The following MYO5B variants were observed in gnomAD, a reference collection of about 807,000 sequenced individuals.
The protein encoded by MYO5B is unconventional myosin-Vb.
Under a neutral mutation model 229.3 loss-of-function variants are expected in MYO5B, and 143 were observed. The observed-to-expected ratio is 0.62, with a 90% confidence interval of 0.54 to 0.72. The LOEUF (loss-of-function observed/expected upper bound fraction) is 0.72, where lower values mean the gene tolerates loss of function less well. MYO5B is among the 30% of genes least tolerant of loss of function. The pLI is 0.00. For missense variants in MYO5B, 2,321 were observed against 2,331.0 expected (o/e 1.00, Z 0.09); for synonymous variants, 918 against 885.2 (o/e 1.04, Z -0.66).
At chr18:50,144,987 C>T (rs1382339088) in intron 1 of MYO5B, among the ~76,000 whole-genome samples, 1 of 152,122 alleles carries the variant, frequency 6.6e-6, no homozygotes, top group Non-Finnish European at 1.5e-5. Flanking sequence ...TCAATACAGG[C>T]CTTGAATCAA....
At chr18:50,068,488 G>A (rs545963516) in intron 1 of MYO5B, among the ~76,000 whole-genome samples, 8 of 152,274 alleles carry the variant, frequency 5.3e-5, no homozygotes, top group African/African-American at 1.2e-4. Context: ...CATCACAAAG[G>A]ACTGACCAAA....
chr18:49,978,450 C>G (rs1343709438), intron 9 of MYO5B, among the ~76,000 whole-genome samples: 6 of 151,990 alleles, frequency 3.9e-5, no homozygotes, highest in Non-Finnish European at 8.8e-5. Context: ...CACGGACTCC[C>G]CAGCCCTGGT....
chr18:50,048,771 C>G (rs565585210), intron 2 of MYO5B, among the ~76,000 whole-genome samples: 1 of 152,128 alleles, frequency 6.6e-6, no homozygotes, highest in South Asian at 2.1e-4. Flanking sequence ...GCCTGTAATC[C>G]CAGCACTTTG....
intron 12 of MYO5B, among the ~76,000 whole-genome samples, chr18:49,956,065 T>G (rs2025489166): frequency 6.6e-6 from 1 of 152,180 alleles, no homozygotes; most frequent in South Asian, 2.1e-4. Context: ...TGGCATGAAT[T>G]AATAAGCAGA....
chr18:49,982,950 C>T (rs1055464962), intron 8 of MYO5B, among the ~76,000 whole-genome samples: 4 of 152,130 alleles, frequency 2.6e-5, no homozygotes, highest in Admixed American at 6.5e-5. Context: ...AGCTTGTGCC[C>T]ACTGCCCACA....
intron 1 of MYO5B, among the ~76,000 whole-genome samples, chr18:50,056,751 A>G: frequency 7.1e-6 from 1 of 141,424 alleles, no homozygotes; most frequent in African/African-American, 2.7e-5. Flanking sequence ...AGGTAATCAG[A>G]GGCTTTTTTT....
chr18:50,001,951 G>T (rs71357217), intron 4 of MYO5B, among the ~76,000 whole-genome samples: 1 of 149,816 alleles, frequency 6.7e-6, no homozygotes, highest in Non-Finnish European at 1.5e-5. Flanking sequence ...CAGAAGGATC[G>T]CTTGAACCGA....
intron 14 of MYO5B, among the ~76,000 whole-genome samples, chr18:49,951,195 G>A (rs1039239071): frequency 2.0e-5 from 3 of 152,166 alleles, no homozygotes; most frequent in South Asian, 4.1e-4. Flanking sequence ...TGGTCTCCGG[G>A]AGACGTCACC....
At chr18:50,004,728 C>A (rs568263026) in intron 4 of MYO5B, among the ~76,000 whole-genome samples, 1 of 152,180 alleles carries the variant, frequency 6.6e-6, no homozygotes, top group South Asian at 2.1e-4. Context: ...CTGATCACAC[C>A]ACTGGGCAAC....
intron 26 of MYO5B, 136 bp downstream of exon 26, chr18:49,875,551 C>T (rs2024509581): frequency 8.4e-7 from 1 of 1,188,218 alleles, no homozygotes; most frequent in Non-Finnish European, 1.2e-6. Flanking sequence ...GACTCCAATG[C>T]ACTAAGTAGG....
chr18:50,104,177 A>AG (rs34000212), intron 1 of MYO5B, among the ~76,000 whole-genome samples: 18,660 of 146,442 alleles, frequency 0.13, 1,426 homozygotes, highest in East Asian at 0.22. Context: ...TAAAAAGAAA[A>AG]AAAAGAAAAT....
intron 16 of MYO5B, among the ~76,000 whole-genome samples, chr18:49,934,076 A>G (rs1568036594): frequency 6.6e-6 from 1 of 152,114 alleles, no homozygotes; most frequent in Non-Finnish European, 1.5e-5. Flanking sequence ...GGGTCTCGCT[A>G]TATTTCCCAG....
At chr18:49,910,344 G>A (rs2024944206) in intron 18 of MYO5B, among the ~76,000 whole-genome samples, 1 of 152,210 alleles carries the variant, frequency 6.6e-6, no homozygotes, top group Non-Finnish European at 1.5e-5. Context: ...GAACAGAAGA[G>A]GGAAACTATG....
At chr18:49,996,233 G>A (rs951980302) in intron 5 of MYO5B, among the ~76,000 whole-genome samples, 1 of 152,138 alleles carries the variant, frequency 6.6e-6, no homozygotes, top group Non-Finnish European at 1.5e-5. Flanking sequence ...AGATCTAAAA[G>A]TACTGGAACA....
At chr18:50,029,300 A>G (rs891065194) in intron 4 of MYO5B, among the ~76,000 whole-genome samples, 9 of 152,198 alleles carry the variant, frequency 5.9e-5, no homozygotes, top group Non-Finnish European at 1.2e-4. Flanking sequence ...AACAGGGACA[A>G]GTGAACAGCC....
rs1269667106 is a variant in MYO5B at position 50,194,758 on chromosome 18, C to A, written c.27+9G>T. 3 of 1,481,060 alleles carry A rather than the reference C, an allele frequency of 2.0e-6. No homozygotes were observed. The African/African-American group carries it at 4.4e-5, about 22-fold the overall frequency. The allele number at this position is 1,481,060 out of a possible 1,614,324, so 91.7% of individuals were successfully genotyped here. A position where few individuals can be genotyped will look rare whatever the true frequency, so the allele number is the denominator to read the frequency against. ...GGCCCCGGGGCGCCTCCCTCGCGGC[C>A]GCGCTCACCTGGCTGTAGAGCTCGC... On this transcript the variant is annotated intron_variant, in intron 1 of 39. Transcript: ENST00000285039.
chr18:49,905,048 C>T (rs1252124978), intron 19 of MYO5B, among the ~76,000 whole-genome samples: 2 of 152,210 alleles, frequency 1.3e-5, no homozygotes, highest in East Asian at 1.9e-4. Flanking sequence ...CTTATGGTCT[C>T]GAAAGGCTTC....
At position 50,122,633 on chromosome 18, in the gene MYO5B, GGGAGAGAGAGAGAGAGAGAGAGAGAGA is replaced by G. The variant is rs2032083298; in HGVS notation, c.28-67282_28-67256del. Among the ~76,000 whole-genome samples the G allele has an allele frequency of 1.1e-4, 6 of 53,792 alleles. 1 individual carries two copies. Among genetic ancestry groups the G allele is most frequent in the Admixed American group, 4.0e-4 (2 of 5,012 alleles). 35.3% of individuals were successfully genotyped at this position (53,792 alleles called of 152,430 possible). On this transcript the variant is annotated intron_variant, in intron 1 of 39. Transcript: ENST00000285039. Reference sequence around the variant, plus strand: ...AAGAGAGGGAGGGAGGGAAGGGGGGGGGAGAGAGAGAGAGAGAGAGAGAGAGAGAGAGAGAGAGAGAGAGAGAGAGAG... The same window carrying G: ...AAGAGAGGGAGGGAGGGAAGGGGGGGGAGAGAGAGAGAGAGAGAGAGAGAG...
chr18:50,033,653 A>G (rs924067180), intron 4 of MYO5B, among the ~76,000 whole-genome samples: 3 of 152,130 alleles, frequency 2.0e-5, no homozygotes, highest in Non-Finnish European at 4.4e-5. Flanking sequence ...TCAGACAGGG[A>G]AGGAGGAGTA....
Sources: gnomAD v4.1 joint callset for allele counts (sites outside exome capture counted in the v4.1 genomes callset) on GRCh38, gnomAD v4.1.1 for gene constraint, MANE v1.5 for transcripts, NCBI Gene and HGNC (gene_info 2026-07-23, HGNC 2026-07-21) for gene names.